The following TMEM255B variants were observed in gnomAD, a reference collection of about 807,000 sequenced individuals.
TMEM255B encodes the protein transmembrane protein 255B.
Under a neutral mutation model 34.5 loss-of-function variants are expected in TMEM255B, and 35 were observed. That is an observed-to-expected ratio of 1.01 (90% CI 0.77 to 1.34). The LOEUF is 1.34. Among genes scored for constraint, TMEM255B ranks in the 40% most tolerant of loss-of-function variants. The pLI is 0.00. For synonymous variants in TMEM255B, 206 were observed against 201.2 expected (o/e 1.02, Z -0.20); for missense variants, 432 against 433.2 (o/e 1.00, Z 0.02).
intron 3 of TMEM255B, among the ~76,000 whole-genome samples, chr13:113,786,440 A>G (rs530911506): frequency 7.2e-5 from 11 of 151,912 alleles, no homozygotes; most frequent in African/African-American, 2.7e-4. Flanking sequence ...CACCATCATC[A>G]CTGTTGTCAT....
At position 113,766,405 on chromosome 13, in the gene TMEM255B, A is replaced by ACAGAC. The variant is rs753616436; in HGVS notation, c.189+149_189+153dup. The ACAGAC allele has an allele frequency of 2.7e-6, 3 of 1,109,044 alleles. No homozygotes were observed. In the East Asian group the frequency reaches 7.4e-5, roughly 27 times the overall value. 68.7% of individuals were successfully genotyped at this position (1,109,044 alleles called of 1,614,324 possible). A position where few individuals can be genotyped will look rare whatever the true frequency, so the allele number is the denominator to read the frequency against. On this transcript the variant is annotated intron_variant, in intron 2 of 8. Transcript: ENST00000375353. Reference sequence around the variant, plus strand: ...TGTGGTCGGCAGGGTTATGGCCCCCACAGACATGCACTTCCCAATCCCCAG... The same window carrying ACAGAC: ...TGTGGTCGGCAGGGTTATGGCCCCCACAGACCAGACATGCACTTCCCAATCCCCAG...
intron 8 of TMEM255B, among the ~76,000 whole-genome samples, chr13:113,808,792 TGG>T (rs71105211): frequency 2.6e-5 from 1 of 38,484 alleles, no homozygotes; most frequent in African/African-American, 1.1e-4. Context: ...CTGTGGTTCC[TGG>T]GGGGGGGGTT....
At position 113,770,718 on chromosome 13, in the gene TMEM255B, A is replaced by G. The variant is rs1474449909; in HGVS notation, c.252+1558A>G. The stretch of plus-strand genomic sequence containing the variant: ...GCGTCACAGCTGACCAGGGTGGGCA[A>G]AGGCCTCACACACACCAGTCACAGA... On this transcript the variant is annotated intron_variant, in intron 3 of 8. Coordinates refer to ENST00000375353, the MANE Select transcript of TMEM255B (RefSeq NM_182614.4). This position sits in a 1 kb window ranked among gnomAD's most constrained non-coding sequence, Gnocchi z 4.6. Among the ~76,000 whole-genome samples, 5 of 152,084 alleles carry G rather than the reference A, an allele frequency of 3.3e-5. No homozygotes were observed. The South Asian group carries it at 8.3e-4, about 25-fold the overall frequency.
intron 3 of TMEM255B, among the ~76,000 whole-genome samples, chr13:113,776,740 G>C (rs902959849): frequency 6.6e-6 from 1 of 152,232 alleles, no homozygotes; most frequent in African/African-American, 2.4e-5. Flanking sequence ...TCCCGACACA[G>C]TGGGCGCAGG....
Position 113,804,999 on chromosome 13 carries a change from AC to A in TMEM255B, c.786del (p.Cys263AlafsTer70). 1 of 1,605,644 alleles carries A rather than the reference AC, an allele frequency of 6.2e-7. No homozygotes were observed. Among genetic ancestry groups the A allele is most frequent in the Non-Finnish European group, 8.5e-7 (1 of 1,179,188 alleles). On this transcript the variant is annotated frameshift_variant, in exon 8 of 9. Coordinates refer to ENST00000375353, the MANE Select transcript of TMEM255B (RefSeq NM_182614.4). LOFTEE classifies it low-confidence loss of function (END_TRUNC). ...CCGCCTGACGCCCGAGCCCGTCCCG[AC>A]CTGCTCGTCCTACCCTCTGCCCCTT... ...GFRLTPEPVPTCSSYPLPLQP... is the reference protein window; with the variant it reads ...GFRLTPEPVPXCSSYPLPLQP...
chr13:113,784,265 A>G (rs1433512768), intron 3 of TMEM255B, among the ~76,000 whole-genome samples: 1 of 152,082 alleles, frequency 6.6e-6, no homozygotes. Flanking sequence ...AAAGACAGAG[A>G]CCCAGATTCC....
intron 7 of TMEM255B, among the ~76,000 whole-genome samples, chr13:113,804,541 A>G (rs1325815248): frequency 1.3e-5 from 2 of 152,144 alleles, no homozygotes; most frequent in African/African-American, 4.8e-5. Context: ...ACCAAGATGT[A>G]GAGAACCTCA....
At chr13:113,802,959 G>A (rs1466285782) in intron 7 of TMEM255B, 5 of 148,214 alleles carry the variant, frequency 3.4e-5, no homozygotes, top group South Asian at 2.1e-4. Context: ...GGGATCTCGC[G>A]GGCTCCGGGC....
At chr13:113,761,157 A>G in intron 1 of TMEM255B, 2 of 985,012 alleles carry the variant, frequency 2.0e-6, no homozygotes, top group Non-Finnish European at 2.4e-6. Flanking sequence ...GTGTCCCCAC[A>G]TGATTAAATG....
At chr13:113,768,198 A>T (rs1233763451) in intron 2 of TMEM255B, 2 of 470,558 alleles carry the variant, frequency 4.3e-6, no homozygotes, top group East Asian at 6.9e-5. Context: ...GCGTGGGAGC[A>T]AGAGCCGTCT....
chr13:113,787,540 G>A (rs1427306144), intron 3 of TMEM255B, among the ~76,000 whole-genome samples: 3 of 152,114 alleles, frequency 2.0e-5, no homozygotes, highest in African/African-American at 7.2e-5. Context: ...GGTGTAGACA[G>A]TGGCGACCAT....
Position 113,795,189 on chromosome 13 carries a change from C to T in TMEM255B, c.294C>T (p.Ala98=), listed in dbSNP as rs115361392. 1,023 of 1,613,940 alleles carry T rather than the reference C, an allele frequency of 6.3e-4. 3 individuals carry two copies. The African/African-American group carries it at 9.1e-3, about 14-fold the overall frequency. The stretch of plus-strand genomic sequence containing the variant: ...TGTTTATCAGTTTTGGCGTGGTGGC[C>T]GCCTTCTGCTGCGCCATCGTGGACG... ...AIVFISFGVV[A]AFCCAIVDGV... Residue 98 remains alanine (A), a synonymous_variant, in exon 4 of 9, where the codon GCC becomes GCT. Coordinates refer to ENST00000375353, the MANE Select transcript of TMEM255B (RefSeq NM_182614.4).
Position 113,795,200 on chromosome 13 carries a change from G to A in TMEM255B, c.305G>A (p.Cys102Tyr). The change falls in exon 4 of 9, where the codon TGC becomes TAC. Residue 102 changes from cysteine to tyrosine, a missense_variant. Physicochemically the swap from Cys to Tyr is radical, Grantham distance 194. Transcript: ENST00000375353. ...TTTGGCGTGGTGGCCGCCTTCTGCT[G>A]CGCCATCGTGGACGGCGTATTTGCA... is the stretch of plus-strand genomic sequence containing the variant. ...ISFGVVAAFC[C>Y]AIVDGVFAAQ... The A allele has an allele frequency of 6.2e-7, 1 of 1,613,960 alleles. No individual in the cohort carries two copies. Among genetic ancestry groups the A allele is most frequent in the South Asian group, 1.1e-5 (1 of 91,078 alleles).
chr13:113,804,026 G>C (rs1038640579), intron 7 of TMEM255B, among the ~76,000 whole-genome samples: 1 of 152,164 alleles, frequency 6.6e-6, no homozygotes. Flanking sequence ...CCAGGGTGCT[G>C]CTGAACCTGG....
chr13:113,765,913 C>A (rs1196825874), intron 1 of TMEM255B, among the ~76,000 whole-genome samples: 1 of 152,206 alleles, frequency 6.6e-6, no homozygotes, highest in Non-Finnish European at 1.5e-5. Context: ...ACCAGGCTAT[C>A]CAGTATAGTG....
intron 4 of TMEM255B, 103 bp downstream of exon 4, chr13:113,795,340 A>G (rs1242638507): frequency 1.1e-5 from 13 of 1,236,772 alleles, no homozygotes; most frequent in Non-Finnish European, 1.5e-5. Context: ...AGACGGCTTC[A>G]CCGTCAGTCT....
At chr13:113,761,383 A>C (rs1396523008) in intron 1 of TMEM255B, 2 of 985,044 alleles carry the variant, frequency 2.0e-6, no homozygotes, top group African/African-American at 1.7e-5. Context: ...CATGTGGTTC[A>C]GCTCCTCCAG....
At chr13:113,774,191 G>T (rs1342816824) in intron 3 of TMEM255B, among the ~76,000 whole-genome samples, 12 of 151,078 alleles carry the variant, frequency 7.9e-5, no homozygotes, top group Admixed American at 7.9e-4. Context: ...CATTTATAAA[G>T]ATTTCACTCT....
intron 3 of TMEM255B, among the ~76,000 whole-genome samples, chr13:113,785,897 G>T (rs899292508): frequency 6.6e-6 from 1 of 152,172 alleles, no homozygotes; most frequent in South Asian, 2.1e-4. Context: ...GATGCTTCTC[G>T]GAGTGTTTTG....
Sources: gnomAD v4.1 joint callset for allele counts (sites outside exome capture counted in the v4.1 genomes callset) on GRCh38, gnomAD v4.1.1 for gene constraint, Gnocchi (gnomAD v3.1) non-coding constraint, MANE v1.5 for transcripts, NCBI Gene and HGNC (gene_info 2026-07-23, HGNC 2026-07-21) for gene names.